Variants in G6PC3 observed in about 807,000 individuals in gnomAD.
The protein encoded by G6PC3 is glucose-6-phosphatase 3.
In G6PC3, 30 loss-of-function variants were observed where a neutral mutation model predicts 38.6. The observed-to-expected ratio is 0.78, with a 90% confidence interval of 0.58 to 1.05. The LOEUF is 1.05. Ranked by LOEUF, G6PC3 falls within the 50% of genes least tolerant of loss-of-function variation. The pLI is 0.00. For missense variants in G6PC3, 377 were observed against 443.1 expected, an observed-to-expected ratio of 0.85 and a Z score of 1.34; for synonymous variants, 192 against 178.1, an observed-to-expected ratio of 1.08 and a Z score of -0.62.
intron 1 of G6PC3, chr17:44,071,393 A>G: frequency 1.2e-6 from 1 of 806,696 alleles, no homozygotes; most frequent in Non-Finnish European, 1.9e-6. Flanking sequence ...GTGTTCTTCA[A>G]ACTGGTCTGA....
rs2050030199 is a variant in G6PC3, at chr17:44,074,111, C to CT, written c.219-48dup. The CT allele has an allele frequency of 4.5e-6, 6 of 1,329,284 alleles. No individual in the cohort carries two copies. In the South Asian group the frequency reaches 7.0e-5, roughly 16 times the overall value. The allele number at this position is 1,329,284 out of a possible 1,614,324, so 82.3% of individuals were successfully genotyped here. Reference sequence around the variant, plus strand: ...GTGTCCTGCCCGCCTTGTACCCCCCCTGGCTGTGTGTGCATGTGGAAAGTC... The same window carrying CT: ...GTGTCCTGCCCGCCTTGTACCCCCCCTTGGCTGTGTGTGCATGTGGAAAGTC... On this transcript the variant is annotated intron_variant, in intron 1 of 5. Transcript: ENST00000269097.
At chr17:44,075,258 G>A in intron 4 of G6PC3, 52 bp from the exon 5 acceptor site, 1 of 1,611,150 alleles carries the variant, frequency 6.2e-7, no homozygotes, top group Non-Finnish European at 8.5e-7. Context: ...GTCGGGGTGG[G>A]GAGGGTCATA....
chr17:44,072,908 A>C (rs1257435121), intron 1 of G6PC3: 6 of 152,270 alleles, frequency 3.9e-5, no homozygotes. Context: ...AAGTGCTGGG[A>C]TTACAGGCGT....
In G6PC3 at chr17:44,075,926, C is replaced by G. The variant is rs978510802; in HGVS notation, c.924C>G (p.Leu308=). The G allele has an allele frequency of 6.2e-7, 1 of 1,613,280 alleles. No individual in the cohort carries two copies. The highest frequency in any genetic ancestry group is 1.7e-5 in the Admixed American group (1 of 60,028). ...TGGGCCACCCCCCTCAGATCAGCCT[C>G]TTCTACATTTTCAATTTCCTCAAGT... The part of the protein sequence containing the change: ...DWLGHPPQIS[L]FYIFNFLKYT... Residue 308 remains leucine, a synonymous_variant, in exon 6 of 6, where the codon CTC becomes CTG. Coordinates refer to ENST00000269097, the MANE Select transcript of G6PC3 (RefSeq NM_138387.4).
At position 44,070,778 on chromosome 17, in the gene G6PC3, C is replaced by T. The variant is rs1429816632; in HGVS notation, c.-188C>T. The T allele has an allele frequency of 2.9e-6, 2 of 687,230 alleles. No individual in the cohort carries two copies. The highest frequency in any genetic ancestry group is 1.6e-5 in the South Asian group (1 of 61,652). 42.6% of individuals were successfully genotyped at this position (687,230 alleles called of 1,614,324 possible). A position where few individuals can be genotyped will look rare whatever the true frequency, so the allele number is the denominator to read the frequency against. On this transcript the variant is annotated 5_prime_UTR_variant, in exon 1 of 6. Transcript: ENST00000269097. The stretch of plus-strand genomic sequence containing the variant: ...AGGAGAGCGCAGGAGGAAACAGTAC[C>T]GGCTGGAGGCCGGTCTTGCAGGAGC...
intron 1 of G6PC3, 21 bp downstream of exon 1, chr17:44,071,204 G>A (rs1254540827): frequency 2.5e-6 from 4 of 1,608,274 alleles, no homozygotes; most frequent in Non-Finnish European, 3.4e-6. Flanking sequence ...GAAGCCCTCC[G>A]GCATCCTGGT....
Position 44,075,068 on chromosome 17 carries a change from G to C in G6PC3, c.516G>C (p.Val172=), listed in dbSNP as rs763502623. ...IFILAHFPHQ[V]LAGLITGAVL... ...TCTTAGCACATTTCCCTCACCAGGTGCTGGCTGGCCTAATAACTGGTGAGC... is the reference window on the plus strand; with the variant it reads ...TCTTAGCACATTTCCCTCACCAGGTCCTGGCTGGCCTAATAACTGGTGAGC... Residue 172 remains valine, a synonymous_variant, in exon 4 of 6, where the codon GTG becomes GTC. Coordinates refer to ENST00000269097, the MANE Select transcript of G6PC3 (RefSeq NM_138387.4). 16 of 1,613,880 alleles carry C rather than the reference G, an allele frequency of 9.9e-6. No individual in the cohort carries two copies. In the African/African-American group the frequency reaches 1.2e-4, roughly 12 times the overall value.
Position 44,070,942 on chromosome 17 carries a change from G to T in G6PC3, c.-24G>T. 1 of 1,547,744 alleles carries T rather than the reference G, an allele frequency of 6.5e-7. No homozygotes were observed. ...TGGTTTCCGCCCTGGAGCAAGCCGG[G>T]GCCTGGTCGGCAGCTGGGCCGCCAT... On this transcript the variant is annotated 5_prime_UTR_variant, in exon 1 of 6. Transcript: ENST00000269097.
chr17:44,074,220 T>G lies in G6PC3; in HGVS notation c.279T>G (p.Ala93=). 1 of 1,614,042 alleles carries G rather than the reference T, an allele frequency of 6.2e-7. No homozygotes were observed. The highest frequency in any genetic ancestry group is 8.5e-7 in the Non-Finnish European group (1 of 1,179,964). ...ATGAGTCTGGTTACTACAGCCAGGC[T>G]CCAGCCCAGGTTCACCAGTTCCCCT... The part of the protein sequence containing the change: ...WVHESGYYSQ[A]PAQVHQFPSS... The change falls in exon 2 of 6, where the codon GCT becomes GCG. Residue 93 remains alanine, a synonymous_variant. Coordinates refer to ENST00000269097, the MANE Select transcript of G6PC3 (RefSeq NM_138387.4).
rs960279172 is a variant in G6PC3 at position 44,075,818 on chromosome 17, G to A, written c.816G>A (p.Gln272=). 2 of 1,611,656 alleles carry A rather than the reference G, an allele frequency of 1.2e-6. No individual in the cohort carries two copies. Among genetic ancestry groups the A allele is most frequent in the Admixed American group, 3.3e-5 (2 of 60,030 alleles). Residue 272 remains glutamine, a synonymous_variant, in exon 6 of 6, where the codon CAG becomes CAA. Coordinates refer to ENST00000269097, the MANE Select transcript of G6PC3 (RefSeq NM_138387.4). ...CCTTGCACTCTCCCTGCTATGCCCAGGTGCGTCGGGCACAGCTGGGAAATG... is the reference window on the plus strand; with the variant it reads ...CCTTGCACTCTCCCTGCTATGCCCAAGTGCGTCGGGCACAGCTGGGAAATG... ...GIALHSPCYA[Q]VRRAQLGNGQ...
intron 1 of G6PC3, chr17:44,071,455 C>G (rs1710041692): frequency 1.6e-6 from 1 of 624,752 alleles, no homozygotes; most frequent in South Asian, 2.0e-5. Flanking sequence ...CCATCCTCAT[C>G]TCACACTTAC....
chr17:44,071,410 A>T, intron 1 of G6PC3: 3 of 738,464 alleles, frequency 4.1e-6, no homozygotes, highest in Non-Finnish European at 6.4e-6. Context: ...CTGATGGAAA[A>T]ATCACCTAAG....
chr17:44,076,314 G>A lies in G6PC3; in HGVS notation c.*271G>A. ...TGCAACACTGTGAGGGGCAGCCAGG[G>A]CGGCCCCAATAAAGCCCTTGAATAC... On this transcript the variant is annotated 3_prime_UTR_variant, in exon 6 of 6. Coordinates refer to ENST00000269097, the MANE Select transcript of G6PC3 (RefSeq NM_138387.4). 1.5e-6 allele frequency: 1 copy of A among 669,264 alleles called. No homozygotes were observed. Among genetic ancestry groups the A allele is most frequent in the South Asian group, 1.5e-5 (1 of 66,838 alleles). The allele number at this position is 669,264 out of a possible 1,614,324, so 41.5% of individuals were successfully genotyped here.
chr17:44,071,794 T>G (rs1362482567), intron 1 of G6PC3: 2 of 487,852 alleles, frequency 4.1e-6, no homozygotes, highest in South Asian at 3.1e-5. Context: ...AAAATCTGCA[T>G]TTTAACAAGG....
At chr17:44,075,163 C>T (rs565818645) in intron 4 of G6PC3, 76 bp downstream of exon 4, 20 of 1,484,038 alleles carry the variant, frequency 1.3e-5, no homozygotes, top group East Asian at 1.1e-4. Flanking sequence ...ATCTTCCCAT[C>T]GCTCCCAGCT....
At position 44,074,178 on chromosome 17, in the gene G6PC3, G is replaced by T; in HGVS notation, c.237G>T (p.Arg79Ser). 1 of 1,613,558 alleles carries T rather than the reference G, an allele frequency of 6.2e-7. No individual in the cohort carries two copies. The highest frequency in any genetic ancestry group is 8.5e-7 in the Non-Finnish European group (1 of 1,179,606). The stretch of plus-strand genomic sequence containing the variant: ...CTTCCAGGTTTCTTTTTGGAGACAG[G>T]CCCTTTTGGTGGGTCCATGAGTCTG... The part of the protein sequence containing the change: ...LIFKWFLFGD[R>S]PFWWVHESGY... Residue 79 changes from arginine to serine, a missense_variant, in exon 2 of 6, where the codon AGG (arginine) becomes AGT (serine). Physicochemically the swap from Arg to Ser is moderately radical, Grantham distance 110. Coordinates refer to ENST00000269097, the MANE Select transcript of G6PC3 (RefSeq NM_138387.4).
chr17:44,073,785 G>A (rs904700033), intron 1 of G6PC3: 7 of 286,058 alleles, frequency 2.4e-5, no homozygotes, highest in African/African-American at 1.5e-4. Context: ...GTTGAATCTG[G>A]GTCTTGCTAT....
In G6PC3 at chr17:44,074,173, G is replaced by A; in HGVS notation, c.232G>A (p.Asp78Asn). Residue 78 changes from aspartate to asparagine, a missense_variant, in exon 2 of 6, where the codon GAC becomes AAC. Asp to Asn is a conservative substitution (Grantham distance 23, BLOSUM62 1). Transcript: ENST00000269097. ...GTTCTCTTCCAGGTTTCTTTTTGGAGACAGGCCCTTTTGGTGGGTCCATGA... is the reference window on the plus strand; with the variant it reads ...GTTCTCTTCCAGGTTTCTTTTTGGAAACAGGCCCTTTTGGTGGGTCCATGA... The part of the protein sequence containing the change: ...NLIFKWFLFG[D>N]RPFWWVHESG... 2 of 1,613,464 alleles carry A rather than the reference G, an allele frequency of 1.2e-6. No individual in the cohort carries two copies. Among genetic ancestry groups the A allele is most frequent in the Non-Finnish European group, 1.7e-6 (2 of 1,179,512 alleles).
chr17:44,075,537 C>T (rs2050079753), intron 5 of G6PC3, 86 bp downstream of exon 5: 6 of 1,601,360 alleles, frequency 3.7e-6, no homozygotes, highest in African/African-American at 1.3e-5. Flanking sequence ...TTCATTATAG[C>T]TAAAAAAGGA....
Sources: allele counts gnomAD v4.1 joint callset, GRCh38; gene constraint gnomAD v4.1.1; transcripts MANE v1.5; gene names NCBI Gene and HGNC (gene_info 2026-07-23, HGNC 2026-07-21).